NRXN1: variants seen among roughly 807,000 people sequenced by gnomAD.
NRXN1 encodes neurexin 1, also known as neurexin-1.
In NRXN1, 39 loss-of-function variants were observed where a neutral mutation model predicts 150.9. The ratio of observed to expected loss-of-function variants is 0.26; its 90% confidence interval spans 0.20 to 0.34. The LOEUF is 0.34. Ranked by LOEUF, NRXN1 falls within the 10% of genes least tolerant of loss-of-function variation. The pLI is 1.00. For synonymous variants in NRXN1, 924 were observed against 757.0 expected (o/e 1.22, Z -3.62); for missense variants, 1,815 against 1,949.9 (o/e 0.93, Z 1.30).
chr2:50,047,168 T>A (rs1691939660), intron 21 of NRXN1, among the ~76,000 whole-genome samples: 1 of 152,016 alleles, frequency 6.6e-6, no homozygotes, highest in Non-Finnish European at 1.5e-5. Flanking sequence ...AGGCAATACG[T>A]AAGAGCAGAA....
At chr2:50,429,958 A>G (rs1443023585) in intron 17 of NRXN1, among the ~76,000 whole-genome samples, 2 of 152,210 alleles carry the variant, frequency 1.3e-5, no homozygotes, top group African/African-American at 4.8e-5. Flanking sequence ...TTTACATATT[A>G]ATATTCTACA....
chr2:50,828,852 C>A (rs1218850410), intron 5 of NRXN1, among the ~76,000 whole-genome samples: 4 of 151,072 alleles, frequency 2.6e-5, no homozygotes, highest in Admixed American at 6.6e-5. Context: ...GCTGCACTCT[C>A]GGCACTTTGG....
intron 17 of NRXN1, among the ~76,000 whole-genome samples, chr2:50,264,434 A>G (rs2068631617): frequency 6.6e-6 from 1 of 152,104 alleles, no homozygotes; most frequent in Non-Finnish European, 1.5e-5. Flanking sequence ...GTAAACGACA[A>G]AGCAATCATT....
intron 19 of NRXN1, among the ~76,000 whole-genome samples, chr2:50,068,727 T>C (rs1695749153): frequency 6.6e-6 from 1 of 152,240 alleles, no homozygotes; most frequent in Admixed American, 6.5e-5. Context: ...TAGTATGATG[T>C]GCCTTACACA....
rs868692715 is a variant in NRXN1, at chr2:50,170,795, A to G, written c.3546+65994T>C. Among the ~76,000 whole-genome samples the G allele has an allele frequency of 2.5e-4, 30 of 121,282 alleles. No homozygotes were observed. The Middle Eastern group carries it at 0.014, about 55-fold the overall frequency. The allele number at this position is 121,282 out of a possible 152,430, so 79.6% of individuals were successfully genotyped here. On this transcript the variant is annotated intron_variant, in intron 18 of 22. Coordinates refer to ENST00000401669, the MANE Select transcript of NRXN1 (RefSeq NM_001330078.2). ...TGTGTGTGTGTGTGTGTGTGTGTGT[A>G]TGCATCTGTATAGTTGGCCCTTGAA...
At chr2:50,263,556 A>T (rs2068528271) in intron 17 of NRXN1, among the ~76,000 whole-genome samples, 1 of 152,164 alleles carries the variant, frequency 6.6e-6, no homozygotes, top group African/African-American at 2.4e-5. Context: ...TGGTCATTAA[A>T]TAATATATCT....
At chr2:50,609,977 G>A (rs771999213) in intron 8 of NRXN1, among the ~76,000 whole-genome samples, 4 of 151,878 alleles carry the variant, frequency 2.6e-5, no homozygotes, top group South Asian at 2.1e-4. Flanking sequence ...CACATGCTTC[G>A]GAATAAGAGT....
intron 5 of NRXN1, among the ~76,000 whole-genome samples, chr2:50,676,584 C>T (rs1277982117): frequency 1.3e-5 from 2 of 152,050 alleles, no homozygotes; most frequent in Non-Finnish European, 2.9e-5. Flanking sequence ...AAATATAAAA[C>T]GATAATACAT....
At chr2:50,007,933 T>G (rs1021599224) in intron 21 of NRXN1, among the ~76,000 whole-genome samples, 3 of 152,194 alleles carry the variant, frequency 2.0e-5, no homozygotes, top group Non-Finnish European at 4.4e-5. Context: ...TTATTCTAAC[T>G]CCCAATGCTG....
At position 50,669,349 on chromosome 2, in the gene NRXN1, G is replaced by A. The variant is rs182082592; in HGVS notation, c.833-45734C>T. The stretch of plus-strand genomic sequence containing the variant: ...CTTTGAAAAGTCCCAGAGAGGTTTT[G>A]GAGTAGAATATAATTTTTCCTGAAA... On this transcript the variant is annotated intron_variant, in intron 5 of 22. Transcript: ENST00000401669. 1.3e-4 allele frequency among the ~76,000 whole-genome samples: 19 copies of A among 151,948 alleles called. No homozygotes were observed. In the East Asian group the frequency reaches 3.5e-3, roughly 28 times the overall value.
intron 5 of NRXN1, among the ~76,000 whole-genome samples, chr2:50,828,737 T>C (rs1229470116): frequency 3.3e-5 from 5 of 151,040 alleles, no homozygotes; most frequent in African/African-American, 1.2e-4. Context: ...CCCTCCTCAC[T>C]TTCCAGACTG....
At chr2:50,528,103 A>G (rs536476922) in intron 12 of NRXN1, among the ~76,000 whole-genome samples, 4 of 152,236 alleles carry the variant, frequency 2.6e-5, no homozygotes, top group African/African-American at 9.6e-5. Flanking sequence ...TTTTGCAGAG[A>G]TATGATTAGG....
At chr2:50,765,547 T>A (rs1702286409) in intron 5 of NRXN1, among the ~76,000 whole-genome samples, 1 of 152,080 alleles carries the variant, frequency 6.6e-6, no homozygotes, top group African/African-American at 2.4e-5. Context: ...CGTAGGCTAG[T>A]GAGCCATGTG....
intron 19 of NRXN1, among the ~76,000 whole-genome samples, chr2:50,084,712 G>C (rs949611217): frequency 2.6e-5 from 4 of 152,180 alleles, no homozygotes; most frequent in Non-Finnish European, 4.4e-5. Flanking sequence ...CGCCGAGGCC[G>C]AGGAGGCACC....
intron 19 of NRXN1, among the ~76,000 whole-genome samples, chr2:50,059,448 T>C (rs992699480): frequency 6.6e-6 from 1 of 152,162 alleles, no homozygotes; most frequent in Non-Finnish European, 1.5e-5. Flanking sequence ...AAGCAGAGCA[T>C]AAAAGTTCAG....
In NRXN1 at chr2:50,676,962, T is replaced by G. The variant is rs1275943552; in HGVS notation, c.833-53347A>C. ...AAGTGTGAATAAAATAAAGGTTTGT[T>G]TTTGAGAACAGTGAGATATAAAGTA... On this transcript the variant is annotated intron_variant, in intron 5 of 22. Transcript: ENST00000401669. 2.0e-5 allele frequency among the ~76,000 whole-genome samples: 3 copies of G among 152,258 alleles called. No individual in the cohort carries two copies. The South Asian group carries it at 6.2e-4, about 32-fold the overall frequency.
chr2:51,024,171 T>C (rs1003614228), intron 2 of NRXN1, among the ~76,000 whole-genome samples: 2 of 152,168 alleles, frequency 1.3e-5, no homozygotes, highest in African/African-American at 4.8e-5. Flanking sequence ...TTCAAGGTCA[T>C]TTAGATGAGA....
intron 18 of NRXN1, among the ~76,000 whole-genome samples, chr2:50,208,231 T>G (rs1034939180): frequency 6.6e-6 from 1 of 152,058 alleles, no homozygotes; most frequent in Non-Finnish European, 1.5e-5. Context: ...CCTCATCCAG[T>G]GGGCAGACCT....
At chr2:50,469,765 G>C (rs549190790) in intron 16 of NRXN1, among the ~76,000 whole-genome samples, 1 of 150,712 alleles carries the variant, frequency 6.6e-6, no homozygotes, top group African/African-American at 2.4e-5. Context: ...AGAAAAAAAG[G>C]GGTGTCAGGG....
Sources: allele counts gnomAD v4.1 joint callset (sites outside exome capture counted in the v4.1 genomes callset), GRCh38; gene constraint gnomAD v4.1.1; transcripts MANE v1.5; gene names NCBI Gene and HGNC (gene_info 2026-07-23, HGNC 2026-07-21).